The following ATP13A4 variants were observed in gnomAD, a reference collection of about 807,000 sequenced individuals.
The protein encoded by ATP13A4 is ATPase 13A4.
In ATP13A4, 114 loss-of-function variants were observed where a neutral mutation model predicts 142.5. The ratio of observed to expected loss-of-function variants is 0.80; its 90% CI spans 0.69 to 0.93. ATP13A4 has a LOEUF of 0.93. Among genes scored for constraint, ATP13A4 ranks in the 40% least tolerant of loss-of-function variants. The pLI is 0.00. For missense variants in ATP13A4, 1,392 were observed against 1,454.0 expected (o/e 0.96, Z 0.69); for synonymous variants, 488 against 514.8 (o/e 0.95, Z 0.70).
chr3:193,588,306 G>C (rs1195755112), intron 1 of ATP13A4, among the ~76,000 whole-genome samples: 2 of 152,106 alleles, frequency 1.3e-5, no homozygotes, highest in African/African-American at 4.8e-5. Context: ...TCCAAAGCTT[G>C]ATTTCTAACT....
In ATP13A4 at chr3:193,552,031, T is replaced by C. The variant is rs1175034363; in HGVS notation, c.60+2709A>G. On this transcript the variant is annotated intron_variant, in intron 1 of 29. Transcript: ENST00000342695. Reference sequence around the variant, plus strand: ...GCTCTGTTGCCAGGCTGGAGTGCCATGGCGCGATCTTGGCTCACTGCAACC... The same window carrying C: ...GCTCTGTTGCCAGGCTGGAGTGCCACGGCGCGATCTTGGCTCACTGCAACC... Among the ~76,000 whole-genome samples the C allele has an allele frequency of 2.0e-5, 3 of 152,228 alleles. No individual in the cohort carries two copies. The East Asian group carries it at 5.8e-4, about 29-fold the overall frequency.
chr3:193,414,518 G>C, intron 26 of ATP13A4, 61 bp downstream of exon 26: 1 of 1,589,594 alleles, frequency 6.3e-7, no homozygotes, highest in Non-Finnish European at 8.6e-7. Flanking sequence ...CATCATATTG[G>C]CCAGAGGATG....
At position 193,399,572 on chromosome 3, in the gene ATP13A4, C is replaced by T. The variant is rs1462683810; in HGVS notation, c.*3080G>A. Among the ~76,000 whole-genome samples, 4 of 152,034 alleles carry T rather than the reference C, an allele frequency of 2.6e-5. No homozygotes were observed. The East Asian group carries it at 7.8e-4, about 29-fold the overall frequency. On this transcript the variant is annotated 3_prime_UTR_variant, in exon 30 of 30. Coordinates refer to ENST00000342695, the MANE Select transcript of ATP13A4 (RefSeq NM_032279.4). ...GTGGGTAGTAGTAGAAAATAGTTCACATCTGGTGGCTCATGTCTGTAATCC... is the reference window on the plus strand; with the variant it reads ...GTGGGTAGTAGTAGAAAATAGTTCATATCTGGTGGCTCATGTCTGTAATCC...
intron 7 of ATP13A4, among the ~76,000 whole-genome samples, chr3:193,486,107 T>C (rs1216948808): frequency 6.6e-6 from 1 of 150,742 alleles, no homozygotes; most frequent in Non-Finnish European, 1.5e-5. Context: ...AAATATTTTA[T>C]GATTCTGAGT....
At chr3:193,478,735 A>G (rs1719115323) in intron 8 of ATP13A4, among the ~76,000 whole-genome samples, 1 of 152,182 alleles carries the variant, frequency 6.6e-6, no homozygotes, top group Admixed American at 6.5e-5. Context: ...TCCACAGGAT[A>G]GAGAAAGAGG....
intron 26 of ATP13A4, among the ~76,000 whole-genome samples, chr3:193,412,965 G>A (rs1714849646): frequency 6.6e-6 from 1 of 152,144 alleles, no homozygotes; most frequent in Admixed American, 6.5e-5. Context: ...AGAGGTTGCA[G>A]TGAGCCTAGA....
chr3:193,417,606 T>C lies in ATP13A4; in HGVS notation c.2843-2856A>G, dbSNP rs138152953. Among the ~76,000 whole-genome samples, 83 of 152,372 alleles carry C rather than the reference T, an allele frequency of 5.4e-4. 1 individual carries two copies. The highest frequency in any genetic ancestry group is 1.9e-3 in the African/African-American group (80 of 41,596). On this transcript the variant is annotated intron_variant, in intron 25 of 29. Coordinates refer to ENST00000342695, the MANE Select transcript of ATP13A4 (RefSeq NM_032279.4). ...CTCAAGGGTAAAAGACTGAGAACTT[T>C]GTCTTAAGATCAGAACAAGGTAAAA...
Position 193,411,053 on chromosome 3 carries a change from G to A in ATP13A4, c.3226C>T (p.Leu1076=), listed in dbSNP as rs1392689929. The A allele has an allele frequency of 3.7e-6, 6 of 1,608,740 alleles. No homozygotes were observed. Among genetic ancestry groups the A allele is most frequent in the Non-Finnish European group, 3.4e-6 (4 of 1,175,574 alleles). ...AGACATACACCAAGCTGTATTATCA[G>A]CACAAGGACAAATATATCTGAGGAA... The part of the protein sequence containing the change: ...TYTNYIFVLV[L]IIQLGVCLFI... Residue 1076 remains leucine (L), a synonymous_variant, in exon 28 of 30, where the codon CTG becomes TTG. Transcript: ENST00000342695.
At chr3:193,426,086 T>A (rs771981352) in intron 25 of ATP13A4, among the ~76,000 whole-genome samples, 3 of 151,744 alleles carry the variant, frequency 2.0e-5, no homozygotes, top group Non-Finnish European at 4.4e-5. Context: ...ACCATCTCTA[T>A]GCACTGATGA....
At chr3:193,587,173 G>T (rs1385779705) in intron 1 of ATP13A4, among the ~76,000 whole-genome samples, 1 of 152,292 alleles carries the variant, frequency 6.6e-6, no homozygotes, top group African/African-American at 2.4e-5. Context: ...GAAACTGGGT[G>T]GGTTAAAACC....
In ATP13A4 at chr3:193,502,518, C is replaced by T. The variant is rs1720607888; in HGVS notation, c.356G>A (p.Arg119Lys). Reference sequence around the variant, plus strand: ...CTTTAGGTCTGGCTTTCTTATGGCTCTATTTATGATATACTCCTCATCTGT... The same window carrying T: ...CTTTAGGTCTGGCTTTCTTATGGCTTTATTTATGATATACTCCTCATCTGT... ...LMTDEEYIINRAIRKPDLKVR... is the reference protein window; with the variant it reads ...LMTDEEYIINKAIRKPDLKVR... The change falls in exon 3 of 30, where the codon AGA (arginine) becomes AAA (lysine). Residue 119 changes from arginine (R) to lysine (K), a missense_variant. Coordinates refer to ENST00000342695, the MANE Select transcript of ATP13A4 (RefSeq NM_032279.4). 6.2e-7 allele frequency: 1 copy of T among 1,614,026 alleles called. No homozygotes were observed. The highest frequency in any genetic ancestry group is 8.5e-7 in the Non-Finnish European group (1 of 1,179,950).
intron 25 of ATP13A4, among the ~76,000 whole-genome samples, chr3:193,426,858 G>T (rs924774045): frequency 2.0e-5 from 3 of 151,858 alleles, no homozygotes; most frequent in African/African-American, 4.8e-5. Flanking sequence ...ATGGATCAAT[G>T]ACCTAAATGT....
intron 1 of ATP13A4, among the ~76,000 whole-genome samples, chr3:193,551,715 G>T (rs1723577485): frequency 6.6e-6 from 1 of 152,224 alleles, no homozygotes; most frequent in African/African-American, 2.4e-5. Flanking sequence ...CTGGCCCAAG[G>T]CCGGTGAGAG....
chr3:193,513,234 A>G (rs1375827715), intron 2 of ATP13A4, among the ~76,000 whole-genome samples: 1 of 152,192 alleles, frequency 6.6e-6, no homozygotes, highest in African/African-American at 2.4e-5. Flanking sequence ...GTTTCATTGG[A>G]GTTTAGCCTC....
At chr3:193,538,509 A>AC in intron 1 of ATP13A4, among the ~76,000 whole-genome samples, 1 of 143,494 alleles carries the variant, frequency 7.0e-6, no homozygotes, top group African/African-American at 2.6e-5. Flanking sequence ...AAAAAAAAAA[A>AC]AAAAACCCTA....
At chr3:193,547,844 A>T (rs888690593) in intron 1 of ATP13A4, among the ~76,000 whole-genome samples, 2 of 152,202 alleles carry the variant, frequency 1.3e-5, no homozygotes, top group African/African-American at 4.8e-5. Flanking sequence ...TTGTTGAACA[A>T]GGGACACCTC....
At chr3:193,519,069 A>C (rs926391271) in intron 1 of ATP13A4, among the ~76,000 whole-genome samples, 8 of 152,130 alleles carry the variant, frequency 5.3e-5, no homozygotes, top group African/African-American at 1.9e-4. Context: ...ACAAGAAAAA[A>C]ATTATCTGGT....
At chr3:193,565,449 T>C (rs1360678652) in intron 2 of ATP13A4, among the ~76,000 whole-genome samples, 2 of 152,148 alleles carry the variant, frequency 1.3e-5, no homozygotes, top group African/African-American at 4.8e-5. Flanking sequence ...AGCAGAGAAT[T>C]GGGGTCATGA....
At chr3:193,494,036 A>C (rs1720092801) in intron 3 of ATP13A4, among the ~76,000 whole-genome samples, 1 of 152,124 alleles carries the variant, frequency 6.6e-6, no homozygotes, top group Non-Finnish European at 1.5e-5. Flanking sequence ...AAAAGAGACA[A>C]AAAAGATCAT....
Sources: allele counts gnomAD v4.1 joint callset (sites outside exome capture counted in the v4.1 genomes callset), GRCh38; gene constraint gnomAD v4.1.1; transcripts MANE v1.5; gene names NCBI Gene and HGNC (gene_info 2026-07-23, HGNC 2026-07-21).